The following AK9 variants were observed in gnomAD, a reference collection of about 807,000 sequenced individuals.
The protein encoded by AK9 is adenylate kinase domain containing 1.
In AK9, 191 loss-of-function variants were observed where a neutral mutation model predicts 239.6. The ratio of observed to expected loss-of-function variants is 0.80; its 90% confidence interval spans 0.71 to 0.90. The LOEUF (loss-of-function observed/expected upper bound fraction) is 0.90. AK9 is among the 40% of genes least tolerant of loss of function. The pLI is 0.00. For missense variants in AK9, 1,995 were observed against 2,214.7 expected, an observed-to-expected ratio of 0.90 and a Z score of 1.99; for synonymous variants, 689 against 721.0, an observed-to-expected ratio of 0.96 and a Z score of 0.71.
At chr6:109,669,482 T>C (rs1055665198) in intron 5 of AK9, among the ~76,000 whole-genome samples, 64 of 152,246 alleles carry the variant, frequency 4.2e-4, no homozygotes, top group African/African-American at 1.5e-3. Context: ...TCAAAAGGAA[T>C]GCTTCCAGTT....
intron 1 of AK9, among the ~76,000 whole-genome samples, chr6:109,689,184 T>C (rs1021941711): frequency 4.6e-5 from 7 of 152,250 alleles, no homozygotes; most frequent in Non-Finnish European, 8.8e-5. Flanking sequence ...GCTTGTCCCA[T>C]TAATCTTTTT....
intron 39 of AK9, 36 bp from the exon 40 acceptor site, chr6:109,494,131 T>G: frequency 6.7e-7 from 1 of 1,494,390 alleles, no homozygotes; most frequent in Non-Finnish European, 9.3e-7. Flanking sequence ...CTGTGTATAC[T>G]TGAGTTTGGT....
chr6:109,562,668 A>C (rs2128182000), intron 24 of AK9, among the ~76,000 whole-genome samples: 1 of 152,234 alleles, frequency 6.6e-6, no homozygotes, highest in South Asian at 2.1e-4. Flanking sequence ...CCAAAGTTTC[A>C]TTTATGCTAG....
chr6:109,503,184 A>G (rs1361148366), intron 35 of AK9, among the ~76,000 whole-genome samples: 3 of 151,852 alleles, frequency 2.0e-5, no homozygotes, highest in African/African-American at 7.3e-5. Flanking sequence ...AATAATATAT[A>G]GTATTATTAA....
At chr6:109,600,712 CT>C (rs1277386859) in intron 17 of AK9, among the ~76,000 whole-genome samples, 10 of 152,078 alleles carry the variant, frequency 6.6e-5, no homozygotes, top group Non-Finnish European at 7.4e-5. Flanking sequence ...TGGTCCTGGA[CT>C]TTTTTTAGTT....
At chr6:109,583,790 A>G (rs1157807350) in intron 19 of AK9, among the ~76,000 whole-genome samples, 2 of 152,192 alleles carry the variant, frequency 1.3e-5, no homozygotes, top group African/African-American at 2.4e-5. Context: ...TTAAAGGTAT[A>G]CATATTTTTA....
At chr6:109,556,387 TG>T (rs1167318744) in intron 24 of AK9, among the ~76,000 whole-genome samples, 1 of 152,258 alleles carries the variant, frequency 6.6e-6, no homozygotes, top group Admixed American at 6.5e-5. Context: ...ACTGTTAGTC[TG>T]ATGGGCTTCC....
chr6:109,614,489 T>C lies in AK9; in HGVS notation c.1400-9A>G. On this transcript the variant is annotated splice_polypyrimidine_tract_variant and intron_variant, in intron 13 of 40. Coordinates refer to ENST00000424296, the MANE Select transcript of AK9 (RefSeq NM_001145128.3). ...TCTTAAAGCTGTTTCAGCTGAAATA[T>C]AACAATGGGTGGTGTTAGCAAAACG... 1 of 1,549,446 alleles carries C rather than the reference T, an allele frequency of 6.5e-7. No individual in the cohort carries two copies. Among genetic ancestry groups the C allele is most frequent in the Non-Finnish European group, 8.7e-7 (1 of 1,145,544 alleles).
At position 109,619,140 on chromosome 6, in the gene AK9, T is replaced by C. The variant is rs1335256113; in HGVS notation, c.1351A>G (p.Lys451Glu). The change falls in exon 13 of 41, where the codon AAA becomes GAA. Residue 451 changes from lysine (K) to glutamate (E), a missense_variant. Physicochemically the swap from Lys to Glu is moderately conservative, Grantham distance 56. Coordinates refer to ENST00000424296, the MANE Select transcript of AK9 (RefSeq NM_001145128.3). ...CTGAGAAGCTTTTCTTTCACAACTT[T>C]AATTGCTGCTGCAGTGGCCTCAGCT... is the stretch of plus-strand genomic sequence containing the variant. ...TIAEATAAAI[K>E]VVKEKLLREL... 2 of 1,547,302 alleles carry C rather than the reference T, an allele frequency of 1.3e-6. No individual in the cohort carries two copies. The highest frequency in any genetic ancestry group is 2.0e-5 in the Admixed American group (1 of 50,336).
intron 8 of AK9, among the ~76,000 whole-genome samples, chr6:109,647,521 T>G (rs574414513): frequency 6.6e-6 from 1 of 152,258 alleles, no homozygotes; most frequent in South Asian, 2.1e-4. Flanking sequence ...AAGGGATCAG[T>G]TCAACAATAA....
chr6:109,631,636 T>C (rs1796097465), intron 12 of AK9: 1 of 152,224 alleles, frequency 6.6e-6, no homozygotes, highest in Non-Finnish European at 1.5e-5. Context: ...TCTACACAAG[T>C]TGAACATATG....
chr6:109,518,350 T>C (rs1322200498), intron 29 of AK9, among the ~76,000 whole-genome samples: 1 of 152,180 alleles, frequency 6.6e-6, no homozygotes, highest in African/African-American at 2.4e-5. Context: ...TTGTCAATTT[T>C]CTATCCTGAT....
chr6:109,655,890 A>G (rs930259344), intron 8 of AK9, among the ~76,000 whole-genome samples: 1 of 152,228 alleles, frequency 6.6e-6, no homozygotes, highest in Non-Finnish European at 1.5e-5. Context: ...GGGGAGGAAT[A>G]GAAGTCATAC....
intron 7 of AK9, 85 bp downstream of exon 7, chr6:109,659,142 AT>A: frequency 7.2e-7 from 1 of 1,380,088 alleles, no homozygotes; most frequent in South Asian, 1.7e-5. Flanking sequence ...AGCATCTACT[AT>A]TTCCTATTAC....
rs372555777 is a variant in AK9, at chr6:109,582,335, T to C, written c.2115-2709A>G. Among the ~76,000 whole-genome samples, 17 of 152,300 alleles carry C rather than the reference T, an allele frequency of 1.1e-4. 1 individual carries two copies. In the South Asian group the frequency reaches 2.1e-3, roughly 19 times the overall value. ...TGAGCAAAGTAAATTGAAAACCTTC[T>C]GGAAAGGATTTACCATTGCAGAAGC... On this transcript the variant is annotated intron_variant, in intron 19 of 40. Transcript: ENST00000424296.
intron 8 of AK9, among the ~76,000 whole-genome samples, chr6:109,648,823 A>AT (rs1798484215): frequency 6.6e-6 from 1 of 152,218 alleles, no homozygotes; most frequent in African/African-American, 2.4e-5. Context: ...CTTGATGAAC[A>AT]TCGATGCAAA....
chr6:109,576,117 A>C (rs1442874262), intron 20 of AK9, among the ~76,000 whole-genome samples: 2 of 151,640 alleles, frequency 1.3e-5, no homozygotes, highest in Non-Finnish European at 2.9e-5. Context: ...ATGCCTATAG[A>C]TTTGTTCTTT....
chr6:109,531,867 T>C (rs1005540097), intron 28 of AK9, among the ~76,000 whole-genome samples: 9 of 152,154 alleles, frequency 5.9e-5, no homozygotes, highest in African/African-American at 2.2e-4. Flanking sequence ...TCCATAGTTC[T>C]CAGATGGCTA....
chr6:109,666,581 C>T (rs1801233560), intron 5 of AK9, among the ~76,000 whole-genome samples: 1 of 152,228 alleles, frequency 6.6e-6, no homozygotes, highest in Non-Finnish European at 1.5e-5. Context: ...AACTGTAAGA[C>T]TGTCCAGACC....
Sources: gnomAD v4.1 joint callset for allele counts (sites outside exome capture counted in the v4.1 genomes callset) on GRCh38, gnomAD v4.1.1 for gene constraint, MANE v1.5 for transcripts, NCBI Gene and HGNC (gene_info 2026-07-23, HGNC 2026-07-21) for gene names.